ZNF729: variants seen among roughly 807,000 people sequenced by gnomAD.
ZNF729 encodes zinc finger protein 729.
In ZNF729, 15 loss-of-function variants were observed where a neutral mutation model predicts 12.2. The observed-to-expected ratio is 1.23, with a 90% CI of 0.82 to 1.89. The LOEUF is 1.89. Ranked by LOEUF, ZNF729 falls within the 40% of genes most tolerant of loss-of-function variation. The pLI, the probability that ZNF729 is intolerant of heterozygous loss-of-function variation, is 0.00. For synonymous variants in ZNF729, 492 were observed against 476.3 expected (o/e 1.03, Z -0.43); for missense variants, 1,540 against 1,456.7 (o/e 1.06, Z -0.93).
At chr19:22,311,447 AC>A (rs1256983724) in intron 3 of ZNF729, among the ~76,000 whole-genome samples, 1 of 151,840 alleles carries the variant, frequency 6.6e-6, no homozygotes, top group Non-Finnish European at 1.5e-5. Flanking sequence ...TTCATATTTG[AC>A]CCCATGATTA....
Position 22,301,225 on chromosome 19 carries a change from T to G in ZNF729, c.31-2533T>G, listed in dbSNP as rs560118627. Among the ~76,000 whole-genome samples, 33 of 152,332 alleles carry G rather than the reference T, an allele frequency of 2.2e-4. No individual in the cohort carries two copies. The South Asian group carries it at 6.4e-3, about 30-fold the overall frequency. ...CAAACAACTTTGTATCAACCCACTCTCTGTCCATCTTTTTTAGCCTTTACA... is the reference window on the plus strand; with the variant it reads ...CAAACAACTTTGTATCAACCCACTCGCTGTCCATCTTTTTTAGCCTTTACA... On this transcript the variant is annotated intron_variant, in intron 1 of 3. Coordinates refer to ENST00000601693, the MANE Select transcript of ZNF729 (RefSeq NM_001242680.2).
At chr19:22,286,775 C>G (rs1383788228) in intron 1 of ZNF729, among the ~76,000 whole-genome samples, 1 of 152,178 alleles carries the variant, frequency 6.6e-6, no homozygotes, top group African/African-American at 2.4e-5. Context: ...GTGACTGTGC[C>G]CTGGCCTGGA....
Position 22,316,972 on chromosome 19 carries a change from G to A in ZNF729, c.3555G>A (p.Glu1185=). The change falls in exon 4 of 4, where the codon GAG becomes GAA. Residue 1185 remains glutamate (E), a synonymous_variant. Coordinates refer to ENST00000601693, the MANE Select transcript of ZNF729 (RefSeq NM_001242680.2). ...LTRHKTIHTG[E]KPYKCEECGK... ...GACACAAAACAATTCATACTGGAGA[G>A]AAACCCTACAAATGTGAAGAATGTG... 1 of 1,612,894 alleles carries A rather than the reference G, an allele frequency of 6.2e-7. No homozygotes were observed. Among genetic ancestry groups the A allele is most frequent in the Non-Finnish European group, 8.5e-7 (1 of 1,179,986 alleles).
rs1968497019 is a variant in ZNF729 at position 22,314,514 on chromosome 19, A to G, written c.1097A>G (p.His366Arg). 1 of 1,611,108 alleles carries G rather than the reference A, an allele frequency of 6.2e-7. No individual in the cohort carries two copies. Among genetic ancestry groups the G allele is most frequent in the African/African-American group, 1.3e-5 (1 of 75,042 alleles). The change falls in exon 4 of 4, where the codon CAT becomes CGT. Residue 366 changes from histidine to arginine, a missense_variant. Transcript: ENST00000601693. ...AGCCAGTCCTCAACCCTTAGAAAAC[A>G]TGAGATAATTCATACTGGAGAGAAA... ...AFSQSSTLRK[H>R]EIIHTGEKPY...
chr19:22,314,802 G>T lies in ZNF729; in HGVS notation c.1385G>T (p.Cys462Phe). ...CATACTGGGGAGAAACCATACAAAT[G>T]TGAAGAATGTGGCAAAGCTTTTAGG... ...IIHTGEKPYK[C>F]EECGKAFRQS... The change falls in exon 4 of 4, where the codon TGT (cysteine) becomes TTT (phenylalanine). Residue 462 changes from cysteine (C) to phenylalanine (F), a missense_variant. Physicochemically the swap from Cys to Phe is radical, Grantham distance 205. Transcript: ENST00000601693. The T allele has an allele frequency of 6.2e-7, 1 of 1,613,722 alleles. No individual in the cohort carries two copies. Among genetic ancestry groups the T allele is most frequent in the Non-Finnish European group, 8.5e-7 (1 of 1,179,880 alleles).
rs184947462 is a variant in ZNF729 at position 22,314,389 on chromosome 19, T to C, written c.972T>C (p.Asp324=). 3.0e-5 allele frequency: 47 copies of C among 1,571,872 alleles called. 2 individuals carry two copies. The highest frequency in any genetic ancestry group is 3.4e-4 in the Middle Eastern group (2 of 5,880). ...HTAEKPYKCE[D]CGKTFNHFSA... ...CAGAGAAACCCTACAAATGTGAAGA[T>C]TGTGGCAAAACTTTTAACCATTTCT... Residue 324 remains aspartate (D), a synonymous_variant, in exon 4 of 4, where the codon GAT becomes GAC. Coordinates refer to ENST00000601693, the MANE Select transcript of ZNF729 (RefSeq NM_001242680.2).
rs755111389 is a variant in ZNF729, at chr19:22,315,473, T to C, written c.2056T>C (p.Cys686Arg). ...TCATACTGGAAAGAAACCGTACAAATGTGAAGAATGTGGCAAAGCTTTTAG... is the reference window on the plus strand; with the variant it reads ...TCATACTGGAAAGAAACCGTACAAACGTGAAGAATGTGGCAAAGCTTTTAG... The part of the protein sequence containing the change: ...IIHTGKKPYK[C>R]EECGKAFSHF... Residue 686 changes from cysteine to arginine, a missense_variant, in exon 4 of 4, where the codon TGT becomes CGT. Cys to Arg is a radical substitution (Grantham distance 180, BLOSUM62 -3). Coordinates refer to ENST00000601693, the MANE Select transcript of ZNF729 (RefSeq NM_001242680.2). 6.2e-7 allele frequency: 1 copy of C among 1,612,416 alleles called. No homozygotes were observed. The highest frequency in any genetic ancestry group is 8.5e-7 in the Non-Finnish European group (1 of 1,179,730).
rs1193285874 is a variant in ZNF729, at chr19:22,316,905, A to T, written c.3488A>T (p.Glu1163Val). The stretch of plus-strand genomic sequence containing the variant: ...TCTGTAGAGAAACCCTACAAATGTG[A>T]AGAATGTGGCAAAGCCTTTAACCAG... Reference protein sequence around the residue: ...IHSVEKPYKCEECGKAFNQSS... With the variant: ...IHSVEKPYKCVECGKAFNQSS... The change falls in exon 4 of 4, where the codon GAA becomes GTA. Residue 1163 changes from glutamate (E) to valine (V), a missense_variant. Physicochemically the swap from Glu to Val is moderately radical, Grantham distance 121 (BLOSUM62 -2). Coordinates refer to ENST00000601693, the MANE Select transcript of ZNF729 (RefSeq NM_001242680.2). 1.2e-6 allele frequency: 2 copies of T among 1,613,128 alleles called. No individual in the cohort carries two copies. The highest frequency in any genetic ancestry group is 1.7e-6 in the Non-Finnish European group (2 of 1,179,954).
intron 1 of ZNF729, among the ~76,000 whole-genome samples, chr19:22,296,676 C>T (rs1968233886): frequency 6.6e-6 from 1 of 151,858 alleles, no homozygotes; most frequent in African/African-American, 2.4e-5. Flanking sequence ...TCTTGCTTCT[C>T]TCGTTCTTTT....
chr19:22,286,560 G>T lies in ZNF729; in HGVS notation c.30+5G>T, dbSNP rs1349823489. ...GCCCCTGGCAGCCTAGAAATGGTGAGAGTGCCGGGTCCGACATCCCGAGAA... is the reference window on the plus strand; with the variant it reads ...GCCCCTGGCAGCCTAGAAATGGTGATAGTGCCGGGTCCGACATCCCGAGAA... On this transcript the variant is annotated splice_donor_5th_base_variant and intron_variant, in intron 1 of 3. Coordinates refer to ENST00000601693, the MANE Select transcript of ZNF729 (RefSeq NM_001242680.2). 23 of 1,613,826 alleles carry T rather than the reference G, an allele frequency of 1.4e-5. No homozygotes were observed. Among genetic ancestry groups the T allele is most frequent in the Non-Finnish European group, 1.9e-5 (22 of 1,180,002 alleles).
chr19:22,294,415 G>A (rs1968196913), intron 1 of ZNF729, among the ~76,000 whole-genome samples: 1 of 152,118 alleles, frequency 6.6e-6, no homozygotes, highest in Non-Finnish European at 1.5e-5. Flanking sequence ...CTCCAGCTTT[G>A]TTCTTTTTGC....
At position 22,309,339 on chromosome 19, in the gene ZNF729, G is replaced by T. The variant is rs558627209; in HGVS notation, c.254-4332G>T. 6.9e-4 allele frequency among the ~76,000 whole-genome samples: 105 copies of T among 152,230 alleles called. 3 individuals are homozygous for T. In the South Asian group the frequency reaches 0.021, roughly 31 times the overall value. On this transcript the variant is annotated intron_variant, in intron 3 of 3. Coordinates refer to ENST00000601693, the MANE Select transcript of ZNF729 (RefSeq NM_001242680.2). ...GGGTGCCTGTAATCCCAGCTACTCGGGAGGCTGAGGCAGGAGAATTGCTTG... is the reference window on the plus strand; with the variant it reads ...GGGTGCCTGTAATCCCAGCTACTCGTGAGGCTGAGGCAGGAGAATTGCTTG...
At chr19:22,292,460 A>T (rs1599752022) in intron 1 of ZNF729, among the ~76,000 whole-genome samples, 1 of 151,764 alleles carries the variant, frequency 6.6e-6, no homozygotes, top group East Asian at 1.9e-4. Context: ...ATTTTTGGAG[A>T]CTGGGTCTCA....
Position 22,316,678 on chromosome 19 carries a change from T to C in ZNF729, c.3261T>C (p.His1087=), listed in dbSNP as rs751879730. The change falls in exon 4 of 4, where the codon CAT becomes CAC. Residue 1087 remains histidine (H), a synonymous_variant. Transcript: ENST00000601693. ...AAGAATGTGACAAAGCTTTTAAGCA[T>C]TTCTCAGCCCTTAGAAAACATAAGG... ...KCEECDKAFK[H]FSALRKHKVI... 1.2e-6 allele frequency: 2 copies of C among 1,610,568 alleles called. No individual in the cohort carries two copies. Among genetic ancestry groups the C allele is most frequent in the Non-Finnish European group, 1.7e-6 (2 of 1,179,202 alleles).
At chr19:22,295,220 A>G (rs1397993072) in intron 1 of ZNF729, among the ~76,000 whole-genome samples, 1 of 151,950 alleles carries the variant, frequency 6.6e-6, no homozygotes, top group Non-Finnish European at 1.5e-5. Flanking sequence ...TTCTGCAGAG[A>G]CTGTAGGGTT....
chr19:22,306,922 A>T (rs1968385311), intron 3 of ZNF729, among the ~76,000 whole-genome samples: 2 of 151,708 alleles, frequency 1.3e-5, no homozygotes, highest in Admixed American at 1.3e-4. Flanking sequence ...TATTTTCAAC[A>T]TGAAAGACTC....
intron 1 of ZNF729, among the ~76,000 whole-genome samples, chr19:22,302,278 G>A (rs547737090): frequency 1.0e-4 from 16 of 152,416 alleles, no homozygotes; most frequent in African/African-American, 2.9e-4. Flanking sequence ...AGATGAGGGA[G>A]TCATGGTCCC....
intron 1 of ZNF729, among the ~76,000 whole-genome samples, chr19:22,295,020 A>G (rs2145043483): frequency 6.8e-6 from 1 of 146,856 alleles, no homozygotes; most frequent in Non-Finnish European, 1.5e-5. Flanking sequence ...TTCTCTGGTT[A>G]GGTGTACTCC....
chr19:22,289,778 C>A (rs1367798265), intron 1 of ZNF729, among the ~76,000 whole-genome samples: 2 of 152,106 alleles, frequency 1.3e-5, no homozygotes, highest in African/African-American at 2.4e-5. Context: ...AAATTTGTAA[C>A]CGTGAATATC....
Sources: allele counts gnomAD v4.1 joint callset (sites outside exome capture counted in the v4.1 genomes callset), GRCh38; gene constraint gnomAD v4.1.1; transcripts MANE v1.5; gene names NCBI Gene and HGNC (gene_info 2026-07-23, HGNC 2026-07-21).